Variants in LAMA2 observed in about 807,000 individuals in gnomAD.
LAMA2 encodes the protein laminin subunit alpha 2.
In LAMA2, 269 loss-of-function variants were observed where a neutral mutation model predicts 364.8. The observed-to-expected ratio is 0.74, with a 90% CI of 0.67 to 0.82. The LOEUF (loss-of-function observed/expected upper bound fraction) is 0.82, where lower values mean the gene tolerates loss of function less well. Ranked by LOEUF, LAMA2 falls within the 40% of genes least tolerant of loss-of-function variation. The pLI is 0.00. For missense variants in LAMA2, 3,807 were observed against 3,873.2 expected, an observed-to-expected ratio of 0.98 and a Z score of 0.45; for synonymous variants, 1,379 against 1,370.6, an observed-to-expected ratio of 1.01 and a Z score of -0.14.
At chr6:129,396,275 C>G (rs1209539376) in intron 37 of LAMA2, among the ~76,000 whole-genome samples, 1 of 152,124 alleles carries the variant, frequency 6.6e-6, no homozygotes, top group African/African-American at 2.4e-5. Flanking sequence ...AATTTACAAC[C>G]TCCTGAAAAA....
At chr6:129,148,163 C>T (rs201645881) in intron 6 of LAMA2, among the ~76,000 whole-genome samples, 2 of 152,052 alleles carry the variant, frequency 1.3e-5, no homozygotes, top group East Asian at 3.9e-4. Flanking sequence ...CCATAGAATA[C>T]TACGCTGCCA....
At chr6:128,993,252 C>T (rs1037534754) in intron 1 of LAMA2, among the ~76,000 whole-genome samples, 5 of 152,108 alleles carry the variant, frequency 3.3e-5, no homozygotes, top group Admixed American at 3.3e-4. Context: ...TATTACTGAC[C>T]AGCAGAAAGT....
chr6:128,966,264 A>G (rs1482136223), intron 1 of LAMA2, among the ~76,000 whole-genome samples: 1 of 152,002 alleles, frequency 6.6e-6, no homozygotes, highest in Non-Finnish European at 1.5e-5. Flanking sequence ...GATTAGCCAT[A>G]CATTTTAAAA....
At chr6:129,240,357 G>A (rs546707053) in intron 12 of LAMA2, among the ~76,000 whole-genome samples, 1 of 152,270 alleles carries the variant, frequency 6.6e-6, no homozygotes, top group South Asian at 2.1e-4. Flanking sequence ...CAAGTAGACA[G>A]TCAATATTAA....
At chr6:129,180,442 CTATAACA>C (rs1395783707) in intron 10 of LAMA2, among the ~76,000 whole-genome samples, 4 of 152,118 alleles carry the variant, frequency 2.6e-5, no homozygotes, top group African/African-American at 9.6e-5. Context: ...TTCTCTTATA[CTATAACA>C]TATGAGTTTT....
intron 4 of LAMA2, among the ~76,000 whole-genome samples, chr6:129,120,893 C>T (rs78631204): frequency 0.028 from 4,333 of 152,290 alleles, 224 homozygotes; most frequent in African/African-American, 0.099. Context: ...CTTCTTCATA[C>T]TAATTCCTTC....
intron 40 of LAMA2, among the ~76,000 whole-genome samples, chr6:129,414,478 C>T (rs1302731717): frequency 2.6e-5 from 4 of 152,020 alleles, no homozygotes; most frequent in Non-Finnish European, 4.4e-5. Context: ...TACAGTAAAA[C>T]ATTAACATTT....
intron 1 of LAMA2, among the ~76,000 whole-genome samples, chr6:129,038,110 C>T (rs1235563371): frequency 6.6e-6 from 1 of 152,036 alleles, no homozygotes; most frequent in African/African-American, 2.4e-5. Flanking sequence ...TAAAAAATAA[C>T]TAGATGGAAA....
chr6:129,142,336 T>G (rs1056918152), intron 4 of LAMA2, among the ~76,000 whole-genome samples: 2 of 151,936 alleles, frequency 1.3e-5, no homozygotes, highest in Admixed American at 6.6e-5. Flanking sequence ...GAGGACTGTT[T>G]CGGGGCTTGC....
intron 18 of LAMA2, among the ~76,000 whole-genome samples, chr6:129,283,381 T>C (rs544597908): frequency 1.3e-5 from 2 of 152,162 alleles, no homozygotes; most frequent in East Asian, 3.9e-4. Flanking sequence ...CAGAATAAGT[T>C]TGTAACCTCA....
At chr6:129,028,811 C>A (rs1404616096) in intron 1 of LAMA2, among the ~76,000 whole-genome samples, 1 of 151,628 alleles carries the variant, frequency 6.6e-6, no homozygotes, top group East Asian at 1.9e-4. Flanking sequence ...AATTATCAAC[C>A]CTTTATTATT....
chr6:129,099,114 GT>G (rs766080944), intron 4 of LAMA2, among the ~76,000 whole-genome samples: 269 of 109,402 alleles, frequency 2.5e-3, no homozygotes, highest in African/African-American at 8.0e-3. Context: ...GGGCGGGGAG[GT>G]TTTTTTTTTG....
intron 35 of LAMA2, among the ~76,000 whole-genome samples, chr6:129,389,049 C>T (rs1171702931): frequency 2.0e-5 from 3 of 152,160 alleles, no homozygotes; most frequent in African/African-American, 7.2e-5. Flanking sequence ...AAAATTGAGA[C>T]ACAGCCTAGG....
intron 1 of LAMA2, among the ~76,000 whole-genome samples, chr6:128,911,547 T>G (rs918133806): frequency 1.3e-5 from 2 of 152,238 alleles, no homozygotes; most frequent in East Asian, 3.9e-4. Context: ...TGGCATTCCT[T>G]AGTGAGATGA....
intron 20 of LAMA2, among the ~76,000 whole-genome samples, 154 bp from the exon 21 acceptor site, chr6:129,297,531 T>G (rs1300736080): frequency 6.6e-6 from 1 of 152,224 alleles, no homozygotes; most frequent in Non-Finnish European, 1.5e-5. Context: ...AAGGTCCATT[T>G]GATTGAATGA....
chr6:129,327,120 T>C (rs1775350449), intron 28 of LAMA2, among the ~76,000 whole-genome samples: 1 of 152,114 alleles, frequency 6.6e-6, no homozygotes, highest in Admixed American at 6.6e-5. Flanking sequence ...GTTGGGACAT[T>C]ATTAAATCTC....
chr6:129,264,941 A>G (rs1787402689), intron 15 of LAMA2, among the ~76,000 whole-genome samples: 1 of 152,186 alleles, frequency 6.6e-6, no homozygotes, highest in Non-Finnish European at 1.5e-5. Context: ...TACTGAAAAG[A>G]AAAACATAGA....
At chr6:129,098,745 C>A (rs997291278) in intron 4 of LAMA2, among the ~76,000 whole-genome samples, 7 of 152,170 alleles carry the variant, frequency 4.6e-5, no homozygotes, top group African/African-American at 1.4e-4. Context: ...TAAAGGTGGC[C>A]TTACATTTGA....
At chr6:129,476,493 G>A (rs1784073170) in intron 53 of LAMA2, among the ~76,000 whole-genome samples, 1 of 152,156 alleles carries the variant, frequency 6.6e-6, no homozygotes, top group African/African-American at 2.4e-5. Flanking sequence ...ACAGGGACCC[G>A]TGGTTACCAT....
Sources: allele counts gnomAD v4.1 joint callset (sites outside exome capture counted in the v4.1 genomes callset), GRCh38; gene constraint gnomAD v4.1.1; transcripts MANE v1.5; gene names NCBI Gene and HGNC (gene_info 2026-07-23, HGNC 2026-07-21).